The following FAM193B variants were observed in gnomAD, a reference collection of about 807,000 sequenced individuals.
FAM193B encodes protein FAM193B.
FAM193B carries 27 observed loss-of-function variants against 70.7 expected under a neutral mutation model. The ratio of observed to expected loss-of-function variants is 0.38; its 90% CI spans 0.28 to 0.53. The LOEUF is 0.53. Ranked by LOEUF, FAM193B falls within the 20% of genes least tolerant of loss-of-function variation. FAM193B has a pLI of 0.81. For missense variants in FAM193B, 1,022 were observed against 1,072.5 expected, an observed-to-expected ratio of 0.95 and a Z score of 0.66; for synonymous variants, 448 against 436.0, an observed-to-expected ratio of 1.03 and a Z score of -0.34.
chr5:177,522,280 T>A, intron 7 of FAM193B: 2 of 512,184 alleles, frequency 3.9e-6, no homozygotes, highest in Non-Finnish European at 7.1e-6. Flanking sequence ...ATGAAGACAG[T>A]GAAACTGCCT....
intron 1 of FAM193B, among the ~76,000 whole-genome samples, chr5:177,547,496 G>C (rs28470545): frequency 0.098 from 14,818 of 150,894 alleles, 981 homozygotes; most frequent in African/African-American, 0.18. Context: ...GTGTTAGCCA[G>C]GATGGTCTCG....
chr5:177,531,438 C>A (rs756621148), intron 5 of FAM193B: 1 of 1,363,328 alleles, frequency 7.3e-7, no homozygotes, highest in Admixed American at 1.9e-5. Flanking sequence ...CCTTCATGGG[C>A]AGCTCCTCTT....
chr5:177,525,613 G>A (rs532118348), intron 5 of FAM193B: 2 of 165,846 alleles, frequency 1.2e-5, no homozygotes, highest in African/African-American at 4.7e-5. Context: ...GGCAGGTGTG[G>A]GGGTAGATGA....
At chr5:177,554,119 G>T in intron 1 of FAM193B, 130 bp downstream of exon 1, 1 of 1,405,118 alleles carries the variant, frequency 7.1e-7, no homozygotes, top group Non-Finnish European at 9.3e-7. Context: ...AAGCTTCGGC[G>T]CCGGACCCGG....
intron 4 of FAM193B, among the ~76,000 whole-genome samples, chr5:177,535,303 G>A (rs534522278): frequency 1.8e-4 from 27 of 152,344 alleles, no homozygotes; most frequent in African/African-American, 5.5e-4. Flanking sequence ...ATATGCTGAG[G>A]AGGCAACGCT....
rs748009277 is a variant in FAM193B, at chr5:177,538,052, G to A, written c.509C>T (p.Ser170Leu). 1.4e-5 allele frequency: 22 copies of A among 1,552,568 alleles called. No individual in the cohort carries two copies. Among genetic ancestry groups the A allele is most frequent in the South Asian group, 4.8e-5 (4 of 84,076 alleles). The change falls in exon 3 of 9, where the codon TCG (serine) becomes TTG (leucine). Residue 170 changes from serine (S) to leucine (L), a missense_variant. By Grantham distance (145) the Ser-to-Leu change is moderately radical. Coordinates refer to ENST00000514747, the MANE Select transcript of FAM193B (RefSeq NM_001190946.3). The surrounding 1 kb of genome is among the most constrained non-coding windows in gnomAD (Gnocchi z 4.1). ...GGATGATGAGGAGGAAGACGAGGAC[G>A]AATGAGAGTCATCTCCACAAGACTG... ...KSQSCGDDSH[S>L]SSSSSSSSSS... is the part of the protein sequence containing the mutation.
chr5:177,538,372 G>A lies in FAM193B; in HGVS notation c.454-265C>T, dbSNP rs71601368. ...GGCAGAGACTGCCTGTGAACTGCGG[G>A]CCTTTGGGGAGTAGAGAGCGGCCAA... On this transcript the variant is annotated intron_variant, in intron 2 of 8. Transcript: ENST00000514747. The surrounding 1 kb of genome is among the most constrained non-coding windows in gnomAD (Gnocchi z 4.1). 0.024 allele frequency among the ~76,000 whole-genome samples: 3,602 copies of A among 152,338 alleles called. 68 individuals are homozygous for A. The highest frequency in any genetic ancestry group is 0.045 in the South Asian group (216 of 4,830).
At chr5:177,531,521 G>A in intron 5 of FAM193B, 1 of 1,296,000 alleles carries the variant, frequency 7.7e-7, no homozygotes, top group Non-Finnish European at 1.0e-6. Flanking sequence ...GCAGCGGGTG[G>A]CTGGGGGTGG....
In FAM193B at chr5:177,536,676, C is replaced by A; in HGVS notation, c.758G>T (p.Gly253Val). ...DLTAPPNSPTGHHPQPASLIP... is the reference protein window; with the variant it reads ...DLTAPPNSPTVHHPQPASLIP... ...TAGAGATGCTGGCTGCGGGTGGTGG[C>A]CGGTGGGGCTGTTAGGGGGAGCAGT... The change falls in exon 4 of 9, where the codon GGC becomes GTC. Residue 253 changes from glycine (G) to valine (V), a missense_variant. Physicochemically the swap from Gly to Val is moderately radical, Grantham distance 109 (BLOSUM62 -3). Transcript: ENST00000514747. 1.3e-6 allele frequency: 2 copies of A among 1,556,320 alleles called. No individual in the cohort carries two copies. The highest frequency in any genetic ancestry group is 1.7e-6 in the Non-Finnish European group (2 of 1,155,842).
chr5:177,538,033 T>A lies in FAM193B; in HGVS notation c.528A>T (p.Ser176=). 1.9e-6 allele frequency: 3 copies of A among 1,554,204 alleles called. No homozygotes were observed. Among genetic ancestry groups the A allele is most frequent in the Non-Finnish European group, 2.6e-6 (3 of 1,148,308 alleles). Residue 176 remains serine, a synonymous_variant, in exon 3 of 9, where the codon TCA becomes TCT. Transcript: ENST00000514747. This position sits in a 1 kb window ranked among gnomAD's most constrained non-coding sequence, Gnocchi z 4.1. ...AAGAGGAGGACGAGGATGAGGATGATGAGGAGGAAGACGAGGACGAATGAG... is the reference window on the plus strand; with the variant it reads ...AAGAGGAGGACGAGGATGAGGATGAAGAGGAGGAAGACGAGGACGAATGAG... The part of the protein sequence containing the change: ...DDSHSSSSSS[S]SSSSSSSSSC...
chr5:177,554,175 C>T (rs958893478), intron 1 of FAM193B, 74 bp downstream of exon 1: 3 of 1,465,934 alleles, frequency 2.0e-6, no homozygotes, highest in Non-Finnish European at 2.7e-6. Flanking sequence ...CATCCCCAAC[C>T]CCGCCCCACT....
chr5:177,527,828 T>C lies in FAM193B; in HGVS notation c.1276-2623A>G, dbSNP rs78686605. Among the ~76,000 whole-genome samples the C allele has an allele frequency of 1.5e-3, 226 of 152,292 alleles. 6 individuals are homozygous for C. The East Asian group carries it at 0.04, about 27-fold the overall frequency. ...GCAACAGGGTGGGAGGCGGTGCCAT[T>C]GACTAGACAGACAACAGAGAAGGGA... is the stretch of plus-strand genomic sequence containing the variant. On this transcript the variant is annotated intron_variant, in intron 5 of 8. Coordinates refer to ENST00000514747, the MANE Select transcript of FAM193B (RefSeq NM_001190946.3).
At chr5:177,525,683 A>G (rs1395773740) in intron 5 of FAM193B, among the ~76,000 whole-genome samples, 1 of 152,244 alleles carries the variant, frequency 6.6e-6, no homozygotes, top group Non-Finnish European at 1.5e-5. Flanking sequence ...GTTACCAAAG[A>G]GGGCGGTGTT....
Position 177,524,717 on chromosome 5 carries a change from G to A in FAM193B, c.1764C>T (p.Asn588=), listed in dbSNP as rs757563343. The part of the protein sequence containing the change: ...VPENGLVRRL[N]TVPNLSRVIW... ...TCACCCGGGATAGGTTGGGCACGGTGTTGAGTCTCCTCACGAGCCCGTTCT... is the reference window on the plus strand; with the variant it reads ...TCACCCGGGATAGGTTGGGCACGGTATTGAGTCTCCTCACGAGCCCGTTCT... Residue 588 remains asparagine, a synonymous_variant, in exon 6 of 9, where the codon AAC becomes AAT. Transcript: ENST00000514747. The A allele has an allele frequency of 3.2e-6, 5 of 1,580,554 alleles. No individual in the cohort carries two copies. The highest frequency in any genetic ancestry group is 4.3e-6 in the Non-Finnish European group (5 of 1,164,708).
Position 177,524,797 on chromosome 5 carries a change from C to T in FAM193B, c.1684G>A (p.Gly562Ser). The T allele has an allele frequency of 6.6e-7, 1 of 1,512,212 alleles. No individual in the cohort carries two copies. 93.7% of individuals were successfully genotyped at this position (1,512,212 alleles called of 1,614,324 possible). The part of the protein sequence containing the change: ...EPAPPWAEMR[G>S]PHPPWTEVRG... ...ACCTCTGTCCATGGTGGGTGGGGGC[C>T]TCTCATTTCTGCCCATGGTGGGGCT... The change falls in exon 6 of 9, where the codon GGC becomes AGC. Residue 562 changes from glycine to serine, a missense_variant. Coordinates refer to ENST00000514747, the MANE Select transcript of FAM193B (RefSeq NM_001190946.3).
chr5:177,532,702 C>A lies in FAM193B; in HGVS notation c.1077-61G>T. The A allele has an allele frequency of 1.4e-6, 2 of 1,415,378 alleles. No homozygotes were observed. The highest frequency in any genetic ancestry group is 1.8e-6 in the Non-Finnish European group (2 of 1,086,176). The allele number at this position is 1,415,378 out of a possible 1,614,324, so 87.7% of individuals were successfully genotyped here. ...GGTGATGCAGAAACCCAGGAAGCAT[C>A]CCAACCACCACCTGCCATCCTGACC... is the stretch of plus-strand genomic sequence containing the variant. On this transcript the variant is annotated intron_variant, in intron 4 of 8. Coordinates refer to ENST00000514747, the MANE Select transcript of FAM193B (RefSeq NM_001190946.3). The surrounding 1 kb of genome is among the most constrained non-coding windows in gnomAD (Gnocchi z 4.9).
At chr5:177,528,084 A>G (rs893235024) in intron 5 of FAM193B, among the ~76,000 whole-genome samples, 8 of 152,134 alleles carry the variant, frequency 5.3e-5, no homozygotes, top group Non-Finnish European at 1.2e-4. Flanking sequence ...GACAGAAAGG[A>G]CGTCAGAGGG....
At chr5:177,544,000 C>T (rs1365709523) in intron 1 of FAM193B, among the ~76,000 whole-genome samples, 1 of 152,258 alleles carries the variant, frequency 6.6e-6, no homozygotes, top group Non-Finnish European at 1.5e-5. Flanking sequence ...CTGCTCACCT[C>T]AGTTTAAATT....
intron 1 of FAM193B, chr5:177,551,912 C>A: frequency 2.1e-6 from 1 of 475,948 alleles, no homozygotes; most frequent in Non-Finnish European, 2.7e-6. Context: ...CACCAGGGCA[C>A]AAAAGCCTGC....
Sources: gnomAD v4.1 joint callset for allele counts (sites outside exome capture counted in the v4.1 genomes callset) on GRCh38, gnomAD v4.1.1 for gene constraint, Gnocchi (gnomAD v3.1) non-coding constraint, MANE v1.5 for transcripts, NCBI Gene and HGNC (gene_info 2026-07-23, HGNC 2026-07-21) for gene names.